Variants in NR1I3 observed in about 807,000 individuals in gnomAD.
NR1I3 encodes the protein constitutive activator of retinoid response.
NR1I3 carries 30 observed loss-of-function variants against 38.4 expected under a neutral mutation model. That is an observed-to-expected ratio of 0.78 (90% CI 0.58 to 1.06). The LOEUF is 1.06. Ranked by LOEUF, NR1I3 falls within the 50% of genes least tolerant of loss-of-function variation. The pLI is 0.00. For missense variants in NR1I3, 388 were observed against 435.7 expected (o/e 0.89, Z 0.97); for synonymous variants, 143 against 165.1 (o/e 0.87, Z 1.03).
rs778217125 is a variant in NR1I3 at position 161,231,215 on chromosome 1, A to G, written c.713T>C (p.Phe238Ser). ...DGARVGFQVE[F>S]LELLFHFHGT... is the part of the protein sequence containing the mutation. ...ATGGAAGTGAAAGAGCAACTCCAAA[A>G]ACTCTACCTGGAACCCCACTGTGGG... is the stretch of plus-strand genomic sequence containing the variant. Residue 238 changes from phenylalanine to serine, a missense_variant, in exon 7 of 9, where the codon TTT becomes TCT. Coordinates refer to ENST00000367983, the MANE Select transcript of NR1I3 (RefSeq NM_005122.5). The G allele has an allele frequency of 3.1e-6, 5 of 1,613,946 alleles. No individual in the cohort carries two copies. In the South Asian group the frequency reaches 5.5e-5, roughly 18 times the overall value.
chr1:161,233,437 G>T, intron 3 of NR1I3, 99 bp from the exon 4 acceptor site: 1 of 1,276,144 alleles, frequency 7.8e-7, no homozygotes, highest in South Asian at 1.3e-5. Flanking sequence ...CCTGCACAAC[G>T]AAGGATGGGG....
rs1485147002 is a variant in NR1I3, at chr1:161,231,339, A to G, written c.684T>C (p.Asp228=). The change falls in exon 6 of 9, where the codon GAT becomes GAC. Residue 228 remains aspartate (D), a synonymous_variant. Coordinates refer to ENST00000367983, the MANE Select transcript of NR1I3 (RefSeq NM_005122.5). ...LCGPLRYTIE[D]GARVGFQVEF... is the part of the protein sequence containing the mutation. ...CTAGCACCATCTCACCACGGGCTCC[A>G]TCTTCAATTGTGTAGCGAAGAGGCC... 5 of 1,580,978 alleles carry G rather than the reference A, an allele frequency of 3.2e-6. No homozygotes were observed. Among genetic ancestry groups the G allele is most frequent in the African/African-American group, 2.7e-5 (2 of 73,220 alleles).
chr1:161,233,163 G>A lies in NR1I3; in HGVS notation c.408+6C>T. The A allele has an allele frequency of 1.2e-6, 2 of 1,612,102 alleles. No individual in the cohort carries two copies. The highest frequency in any genetic ancestry group is 1.7e-6 in the Non-Finnish European group (2 of 1,178,322). ...GTATTCCAACCCAAATCCTGTCGGT[G>A]CTCACCCTAAACTGCACAAACTGTT... On this transcript the variant is annotated splice_donor_region_variant and intron_variant, in intron 4 of 8. Coordinates refer to ENST00000367983, the MANE Select transcript of NR1I3 (RefSeq NM_005122.5).
intron 1 of NR1I3, among the ~76,000 whole-genome samples, chr1:161,236,977 TTTG>T (rs1209823593): frequency 2.0e-5 from 3 of 151,554 alleles, no homozygotes; most frequent in Non-Finnish European, 4.4e-5. Flanking sequence ...TTTATTTTTT[TTTG>T]TTTATTTGTT....
chr1:161,236,439 A>T lies in NR1I3; in HGVS notation c.107+20T>A. On this transcript the variant is annotated intron_variant, in intron 2 of 8. Transcript: ENST00000367983. The stretch of plus-strand genomic sequence containing the variant: ...GAGTTTGGTTTGGAGGGCTATTTCC[A>T]TTGGGGAGGAGACTCTCACCTGAAG... 1 of 1,613,808 alleles carries T rather than the reference A, an allele frequency of 6.2e-7. No individual in the cohort carries two copies. The highest frequency in any genetic ancestry group is 8.5e-7 in the Non-Finnish European group (1 of 1,179,858).
At chr1:161,237,727 CCAAAAAAACAAAACAAAAAA>C (rs1206384349) in intron 1 of NR1I3, among the ~76,000 whole-genome samples, 1 of 151,350 alleles carries the variant, frequency 6.6e-6, no homozygotes, top group Non-Finnish European at 1.5e-5. Context: ...CAAAAAAAAC[CCAAAAAAACAAAACAAAAAA>C]CAAAAAAACA....
chr1:161,235,767 A>G (rs1305700958), intron 3 of NR1I3, 80 bp downstream of exon 3: 1 of 1,570,250 alleles, frequency 6.4e-7, no homozygotes, highest in Non-Finnish European at 8.7e-7. Context: ...TGTGCCTGCT[A>G]TGTAGAGAAT....
rs1285055540 is a variant in NR1I3, at chr1:161,235,841, A to G, written c.238+6T>C. On this transcript the variant is annotated splice_donor_region_variant and intron_variant, in intron 3 of 8. Coordinates refer to ENST00000367983, the MANE Select transcript of NR1I3 (RefSeq NM_005122.5). Reference sequence around the variant, plus strand: ...TGGATTCTTGAGATGTAGGGGGCCAACTCACTGTCTTTCCTCATGCCAGCA... The same window carrying G: ...TGGATTCTTGAGATGTAGGGGGCCAGCTCACTGTCTTTCCTCATGCCAGCA... The G allele has an allele frequency of 5.0e-6, 8 of 1,614,028 alleles. No individual in the cohort carries two copies. In the South Asian group the frequency reaches 8.8e-5, roughly 18 times the overall value.
Position 161,231,365 on chromosome 1 carries a change from C to T in NR1I3, c.658G>A (p.Gly220Arg), listed in dbSNP as rs746849037. Residue 220 changes from glycine (G) to arginine (R), a missense_variant, in exon 6 of 9, where the codon GGG (glycine) becomes AGG (arginine). Physicochemically the swap from Gly to Arg is moderately radical, Grantham distance 125. Transcript: ENST00000367983. ...FCLQTQNFLC[G>R]PLRYTIEDGA... ...TCTTCAATTGTGTAGCGAAGAGGCC[C>T]GCAGAGGAAGTTTTGTGTTTGGAGA... The T allele has an allele frequency of 2.4e-5, 37 of 1,563,496 alleles. No individual in the cohort carries two copies. Among genetic ancestry groups the T allele is most frequent in the Admixed American group, 8.3e-5 (4 of 48,334 alleles).
In NR1I3 at chr1:161,235,884, C is replaced by T; in HGVS notation, c.201G>A (p.Arg67=). Residue 67 remains arginine, a synonymous_variant, in exon 3 of 9, where the codon AGG becomes AGA. Transcript: ENST00000367983. ...TGCCAGCATCTAAGCACTTCTGCAACCTGCAGGCTGGGCAGTGGCGCCTCT... is the reference window on the plus strand; with the variant it reads ...TGCCAGCATCTAAGCACTTCTGCAATCTGCAGGCTGGGCAGTGGCGCCTCT... ...KTQRRHCPAC[R]LQKCLDAGMR... 1.2e-6 allele frequency: 2 copies of T among 1,614,182 alleles called. No individual in the cohort carries two copies. Among genetic ancestry groups the T allele is most frequent in the Non-Finnish European group, 1.7e-6 (2 of 1,180,016 alleles).
At chr1:161,233,613 G>A (rs545686399) in intron 3 of NR1I3, among the ~76,000 whole-genome samples, 2 of 152,148 alleles carry the variant, frequency 1.3e-5, no homozygotes, top group East Asian at 3.8e-4. Flanking sequence ...AAAGATGTGA[G>A]GAAAGGTGCG....
Position 161,233,319 on chromosome 1 carries a change from G to T in NR1I3, c.258C>A (p.Ala86=), listed in dbSNP as rs35205211. Residue 86 remains alanine (A), a synonymous_variant, in exon 4 of 9, where the codon GCC becomes GCA. Transcript: ENST00000367983. ...CCTGCTTTGCTCGCCGCAATGCCAG[G>T]GCTTCTGCCGACAGTATCACTGTGC... ...MRKDMILSAE[A]LALRRAKQAQ... The T allele has an allele frequency of 1.2e-6, 2 of 1,613,852 alleles. No homozygotes were observed. Among genetic ancestry groups the T allele is most frequent in the Admixed American group, 3.3e-5 (2 of 60,020 alleles).
intron 7 of NR1I3, 90 bp downstream of exon 7, chr1:161,231,027 G>T (rs1381898299): frequency 1.9e-6 from 3 of 1,612,954 alleles, no homozygotes; most frequent in African/African-American, 1.3e-5. Flanking sequence ...TGATAGCTAG[G>T]CTAGAAGGCC....
rs147606131 is a variant in NR1I3, at chr1:161,230,167, C to T, written c.918-241G>A. ...TTTCTGAACCCAGAGCTCTGAGAGCCGAGTGTGAAGAAAGCTCCAGACTTG... is the reference window on the plus strand; with the variant it reads ...TTTCTGAACCCAGAGCTCTGAGAGCTGAGTGTGAAGAAAGCTCCAGACTTG... On this transcript the variant is annotated intron_variant, in intron 8 of 8. Coordinates refer to ENST00000367983, the MANE Select transcript of NR1I3 (RefSeq NM_005122.5). 28 of 498,274 alleles carry T rather than the reference C, an allele frequency of 5.6e-5. No individual in the cohort carries two copies. The East Asian group carries it at 1.0e-3, about 19-fold the overall frequency. 30.9% of individuals were successfully genotyped at this position (498,274 alleles called of 1,614,324 possible). A position where few individuals can be genotyped will look rare whatever the true frequency, so the allele number is the denominator to read the frequency against.
At chr1:161,235,745 C>CA (rs1668488700) in intron 3 of NR1I3, 102 bp downstream of exon 3, 2 of 1,481,600 alleles carry the variant, frequency 1.3e-6, no homozygotes. Context: ...CAACTAGTTT[C>CA]AAAAAGAGTA....
intron 3 of NR1I3, 173 bp downstream of exon 3, chr1:161,235,674 T>C (rs1196294736): frequency 1.5e-6 from 1 of 675,058 alleles, no homozygotes; most frequent in Non-Finnish European, 2.4e-6. Flanking sequence ...AGCTAGATCA[T>C]GAGATCACGT....
chr1:161,230,086 A>C, intron 8 of NR1I3, 160 bp from the exon 9 acceptor site: 2 of 850,254 alleles, frequency 2.4e-6, no homozygotes, highest in Admixed American at 5.7e-5. Context: ...CAGAGGTTCC[A>C]AAGGTCCTCC....
chr1:161,235,961 T>C lies in NR1I3; in HGVS notation c.124A>G (p.Ser42Gly). 6.2e-7 allele frequency: 1 copy of C among 1,600,766 alleles called. No individual in the cohort carries two copies. Among genetic ancestry groups the C allele is most frequent in the Non-Finnish European group, 8.5e-7 (1 of 1,173,822 alleles). The change falls in exon 3 of 9, where the codon AGC becomes GGC. Residue 42 changes from serine to glycine, a missense_variant. Coordinates refer to ENST00000367983, the MANE Select transcript of NR1I3 (RefSeq NM_005122.5). The stretch of plus-strand genomic sequence containing the variant: ...GCAAAGGGGCAGGTGGGACCAATGC[T>C]TTTGCTGACTGTTCTCCTGTGAGAC... ...KGFFRRTVSK[S>G]IGPTCPFAGS...
Position 161,233,285 on chromosome 1 carries a change from GC to G in NR1I3, c.291del (p.Arg98GlyfsTer9), listed in dbSNP as rs1558116973. 3 of 1,614,130 alleles carry G rather than the reference GC, an allele frequency of 1.9e-6. No homozygotes were observed. The highest frequency in any genetic ancestry group is 2.5e-6 in the Non-Finnish European group (3 of 1,180,024). On this transcript the variant is annotated frameshift_variant, in exon 4 of 9. Coordinates refer to ENST00000367983, the MANE Select transcript of NR1I3 (RefSeq NM_005122.5). LOFTEE classifies it high-confidence loss of function. ...LALRRAKQAQRRAQQTPVQLS... is the reference protein window; with the variant it reads ...LALRRAKQAQXRAQQTPVQLS... Reference sequence around the variant, plus strand: ...AGTTGCACAGGTGTTTGCTGTGCCCGCCGCTGGGCCTGCTTTGCTCGCCGCA... The same window carrying G: ...AGTTGCACAGGTGTTTGCTGTGCCCGCGCTGGGCCTGCTTTGCTCGCCGCA...
Sources: gnomAD v4.1 joint callset for allele counts (sites outside exome capture counted in the v4.1 genomes callset) on GRCh38, gnomAD v4.1.1 for gene constraint, MANE v1.5 for transcripts, NCBI Gene and HGNC (gene_info 2026-07-23, HGNC 2026-07-21) for gene names.